Variants in NBPF15 observed in about 807,000 individuals in gnomAD.
NBPF15 encodes the protein NBPF member 15, also known as NBPF family member NBPF15.
A neutral mutation model predicts 62.2 loss-of-function variants in NBPF15; 74 were observed. The observed-to-expected ratio is 1.19, with a 90% CI of 0.99 to 1.44. The LOEUF is 1.44. Among genes scored for constraint, NBPF15 ranks in the 40% most tolerant of loss-of-function variants. NBPF15 has a pLI of 0.00. For missense variants in NBPF15, 790 were observed against 550.0 expected (o/e 1.44, Z -4.36); for synonymous variants, 244 against 209.7 (o/e 1.16, Z -1.41).
chr1:144,449,482 T>G, intron 5 of NBPF15, among the ~76,000 whole-genome samples: 1 of 150,628 alleles, frequency 6.6e-6, no homozygotes, highest in East Asian at 2.0e-4. Flanking sequence ...TGTGATACAT[T>G]CATTCCATGG....
At position 144,456,755 on chromosome 1, in the gene NBPF15, G is replaced by T. The variant is rs1648155538; in HGVS notation, c.-650C>A. Reference sequence around the variant, plus strand: ...TAAGGGACGGTAAGGTGAGAGCCTGGGTCACCAGGAACCTTCGCCTGCATC... The same window carrying T: ...TAAGGGACGGTAAGGTGAGAGCCTGTGTCACCAGGAACCTTCGCCTGCATC... On this transcript the variant is annotated 5_prime_UTR_variant, in exon 4 of 22. Transcript: ENST00000581897. The T allele has an allele frequency of 4.2e-6, 4 of 950,848 alleles. No individual in the cohort carries two copies. In the African/African-American group the frequency reaches 5.3e-5, roughly 12 times the overall value. 58.9% of individuals were successfully genotyped at this position (950,848 alleles called of 1,614,324 possible). A position where few individuals can be genotyped will look rare whatever the true frequency, so the allele number is the denominator to read the frequency against.
Position 144,426,383 on chromosome 1 carries a change from A to T in NBPF15, c.1333T>A (p.Ser445Thr). ...VLQDSLDRCY[S>T]TPSDYLELPD... ...AGTTCAAGATAATCTGAAGGAGTCG[A>T]ATAACATCTATCCAGTGAGTCCTGC... The change falls in exon 18 of 22, where the codon TCG becomes ACG. Residue 445 changes from serine (S) to threonine (T), a missense_variant. Physicochemically the swap from Ser to Thr is moderately conservative, Grantham distance 58. Coordinates refer to ENST00000581897, the MANE Select transcript of NBPF15 (RefSeq NM_001385408.1). The T allele has an allele frequency of 1.2e-6, 1 of 837,516 alleles. No homozygotes were observed. 51.9% of individuals were successfully genotyped at this position (837,516 alleles called of 1,614,324 possible).
At chr1:144,457,306 C>T (rs1208268318) in intron 3 of NBPF15, among the ~76,000 whole-genome samples, 1 of 151,914 alleles carries the variant, frequency 6.6e-6, no homozygotes, top group Non-Finnish European at 1.5e-5. Context: ...TCTTTGGAAT[C>T]TCATCTACTG....
At position 144,422,709 on chromosome 1, in the gene NBPF15, C is replaced by T. The variant is rs1321182926; in HGVS notation, c.*304G>A. The stretch of plus-strand genomic sequence containing the variant: ...GTATAGAAGCTCAGAGACATGCCTG[C>T]AAAATGAAATCCCTGAGGAATTTTG... On this transcript the variant is annotated 3_prime_UTR_variant, in exon 22 of 22. Transcript: ENST00000581897. 10 of 558,070 alleles carry T rather than the reference C, an allele frequency of 1.8e-5. No homozygotes were observed. The Admixed American group carries it at 2.9e-4, about 16-fold the overall frequency. The allele number at this position is 558,070 out of a possible 1,614,324, so 34.6% of individuals were successfully genotyped here.
At chr1:144,459,222 G>A (rs1476554679) in intron 3 of NBPF15, 144 bp downstream of exon 3, 1 of 151,786 alleles carries the variant, frequency 6.6e-6, no homozygotes, top group Non-Finnish European at 1.5e-5. Flanking sequence ...TGGGTGCAGT[G>A]GCTCATGCCT....
chr1:144,422,890 A>G lies in NBPF15; in HGVS notation c.*123T>C, dbSNP rs1474620858. On this transcript the variant is annotated 3_prime_UTR_variant, in exon 22 of 22. Coordinates refer to ENST00000581897, the MANE Select transcript of NBPF15 (RefSeq NM_001385408.1). ...TGGCATGGTTTGAGAATAGGAATAG[A>G]GCCATGCTCACTGACCCATCCTATG... 198 of 1,602,906 alleles carry G rather than the reference A, an allele frequency of 1.2e-4. 1 individual carries two copies. In the African/African-American group the frequency reaches 2.5e-3, roughly 20 times the overall value.
chr1:144,444,328 C>T (rs1480583066), intron 6 of NBPF15, among the ~76,000 whole-genome samples: 1 of 150,466 alleles, frequency 6.6e-6, no homozygotes, highest in Admixed American at 6.6e-5. Flanking sequence ...CAAAAGCCCA[C>T]CAAGAGTTTT....
rs1175010834 is a variant in NBPF15, at chr1:144,436,916, G to T, written c.472C>A (p.Leu158Ile). 2 of 1,612,166 alleles carry T rather than the reference G, an allele frequency of 1.2e-6. No homozygotes were observed. The highest frequency in any genetic ancestry group is 1.3e-5 in the African/African-American group (1 of 74,936). The change falls in exon 10 of 22, where the codon CTT (leucine) becomes ATT (isoleucine). Residue 158 changes from leucine to isoleucine, a missense_variant. Transcript: ENST00000581897. ...TTACCTGGGCTGAGCTTTTGGACAA[G>T]GTGCTGTGTCAGTCTACACCCCTCA... ...LAEGCRLTQH[L>I]VQKLSPENDN...
rs782407461 is a variant in NBPF15 at position 144,438,030 on chromosome 1, C to A, written c.193G>T (p.Asp65Tyr). The change falls in exon 9 of 22, where the codon GAT becomes TAT. Residue 65 changes from aspartate (D) to tyrosine (Y), a missense_variant. Transcript: ENST00000581897. Reference protein sequence around the residue: ...QKKYKYEECKDLIKFMLRNER... With the variant: ...QKKYKYEECKYLIKFMLRNER... Reference sequence around the variant, plus strand: ...TTCCTCAGCATAAATTTTATGAGATCTTTGCACTCTTCATATTCTGAGAAA... The same window carrying A: ...TTCCTCAGCATAAATTTTATGAGATATTTGCACTCTTCATATTCTGAGAAA... 8.1e-6 allele frequency: 13 copies of A among 1,611,406 alleles called. No homozygotes were observed. In the South Asian group the frequency reaches 1.2e-4, roughly 15 times the overall value.
chr1:144,431,467 G>T (rs1236585201), intron 13 of NBPF15, among the ~76,000 whole-genome samples: 1 of 146,302 alleles, frequency 6.8e-6, no homozygotes. Context: ...ATTATTTTTT[G>T]TGTGTATGTA....
chr1:144,432,828 G>GAGAT (rs1675460895), intron 13 of NBPF15, among the ~76,000 whole-genome samples: 1 of 151,956 alleles, frequency 6.6e-6, no homozygotes, highest in Non-Finnish European at 1.5e-5. Context: ...GACCTACAAA[G>GAGAT]AGATTTAGAC....
At chr1:144,449,574 C>A (rs1446973152) in intron 5 of NBPF15, among the ~76,000 whole-genome samples, 1 of 151,814 alleles carries the variant, frequency 6.6e-6, no homozygotes, top group Admixed American at 6.6e-5. Context: ...AGGAGCCATA[C>A]GCAAAAGAGT....
At chr1:144,455,265 A>G (rs1693750527) in intron 4 of NBPF15, among the ~76,000 whole-genome samples, 1 of 150,168 alleles carries the variant, frequency 6.7e-6, no homozygotes, top group Non-Finnish European at 1.5e-5. Context: ...GGAGAGAAGT[A>G]GGGAAGGGAG....
intron 15 of NBPF15, among the ~76,000 whole-genome samples, chr1:144,428,280 G>T (rs1298369987): frequency 6.6e-6 from 1 of 151,696 alleles, no homozygotes; most frequent in Admixed American, 6.6e-5. Flanking sequence ...CTGTATTTGT[G>T]CTCTCAGGAC....
At chr1:144,446,146 C>T (rs1254812301) in intron 6 of NBPF15, among the ~76,000 whole-genome samples, 7 of 151,774 alleles carry the variant, frequency 4.6e-5, no homozygotes, top group Non-Finnish European at 7.4e-5. Context: ...AGCCACGGTG[C>T]CCAGTCTGTT....
chr1:144,456,559 A>G lies in NBPF15; in HGVS notation c.-454T>C, dbSNP rs1195049042. 15 of 1,481,162 alleles carry G rather than the reference A, an allele frequency of 1.0e-5. No homozygotes were observed. The highest frequency in any genetic ancestry group is 1.3e-5 in the South Asian group (1 of 76,560). 91.8% of individuals were successfully genotyped at this position (1,481,162 alleles called of 1,614,324 possible). ...TACCTGTGGGATCTGGCAGCTCTTC[A>G]TTCAGCCCACACCGTGTGAGGTTGC... On this transcript the variant is annotated 5_prime_UTR_variant, in exon 4 of 22. An upstream start codon of the reference 5' UTR is lost. Coordinates refer to ENST00000581897, the MANE Select transcript of NBPF15 (RefSeq NM_001385408.1).
intron 4 of NBPF15, among the ~76,000 whole-genome samples, chr1:144,455,517 G>T (rs1472032864): frequency 6.6e-6 from 1 of 152,052 alleles, no homozygotes; most frequent in East Asian, 1.9e-4. Flanking sequence ...TCTTGTCTTT[G>T]GATAAGTTCT....
chr1:144,429,116 C>G (rs1672273108), intron 14 of NBPF15, among the ~76,000 whole-genome samples: 2 of 151,804 alleles, frequency 1.3e-5, no homozygotes, highest in African/African-American at 4.9e-5. Flanking sequence ...GAAGCATCAG[C>G]TATTATGGCT....
intron 20 of NBPF15, 131 bp from the exon 21 acceptor site, chr1:144,424,106 T>G: frequency 1.3e-6 from 1 of 745,346 alleles, no homozygotes; most frequent in Non-Finnish European, 2.4e-6. Flanking sequence ...AGAGATATAT[T>G]TCAGGAGGTC....
Sources: allele counts gnomAD v4.1 joint callset (sites outside exome capture counted in the v4.1 genomes callset), GRCh38; gene constraint gnomAD v4.1.1; transcripts MANE v1.5; gene names NCBI Gene and HGNC (gene_info 2026-07-23, HGNC 2026-07-21).